The following MRPL42 variants were observed in gnomAD, a reference collection of about 807,000 sequenced individuals.
MRPL42 encodes mitochondrial ribosomal protein L42.
Under a neutral mutation model 17.9 loss-of-function variants are expected in MRPL42, and 17 were observed. The observed-to-expected ratio is 0.95, with a 90% CI of 0.65 to 1.42. The LOEUF is 1.42. MRPL42 is among the 40% of genes most tolerant of loss of function. The pLI is 0.00. For missense variants in MRPL42, 177 were observed against 175.2 expected (o/e 1.01, Z -0.06); for synonymous variants, 59 against 54.4 (o/e 1.08, Z -0.37).
intron 2 of MRPL42, among the ~76,000 whole-genome samples, chr12:93,472,119 A>G (rs528600579): frequency 4.2e-4 from 64 of 152,294 alleles, no homozygotes; most frequent in African/African-American, 1.4e-3. Context: ...TAGGAGATCT[A>G]TCAGTGTTTG....
rs1483463556 is a variant in MRPL42 at position 93,508,561 on chromosome 12, AAGG to A, written c.*7343_*7345del. On this transcript the variant is annotated 3_prime_UTR_variant, in exon 6 of 6. Coordinates refer to ENST00000549982, the MANE Select transcript of MRPL42 (RefSeq NM_014050.4). ...TAAGAGGAGAGATGCTACCTATTAA[AAGG>A]AGAAGCAGCAAATACTATGGCCATT... 1 of 152,244 alleles carries A rather than the reference AAGG, an allele frequency of 6.6e-6. No homozygotes were observed. The highest frequency in any genetic ancestry group is 1.5e-5 in the Non-Finnish European group (1 of 68,072). The allele number at this position is 152,244 out of a possible 1,614,324, so 9.4% of individuals were successfully genotyped here. A position where few individuals can be genotyped will look rare whatever the true frequency, so the allele number is the denominator to read the frequency against.
intron 5 of MRPL42, 77 bp downstream of exon 5, chr12:93,487,737 TTC>T (rs1351308383): frequency 7.7e-7 from 1 of 1,294,046 alleles, no homozygotes; most frequent in Non-Finnish European, 1.1e-6. Flanking sequence ...AATAACAAAC[TTC>T]TGAAGTGGTG....
intron 2 of MRPL42, among the ~76,000 whole-genome samples, chr12:93,472,610 A>G (rs2087720541): frequency 2.0e-5 from 3 of 152,130 alleles, no homozygotes; most frequent in South Asian, 2.1e-4. Flanking sequence ...AGAAAGTTTC[A>G]TTACTGTTAT....
chr12:93,508,798 A>T lies in MRPL42; in HGVS notation c.*7577A>T, dbSNP rs1013330839. ...ATAAGCCATCTCTACCTGAATTAGC[A>T]ATCATGGATAAGCTCAATAACTGAT... On this transcript the variant is annotated 3_prime_UTR_variant, in exon 6 of 6. Transcript: ENST00000549982. 2 of 152,220 alleles carry T rather than the reference A, an allele frequency of 1.3e-5. No individual in the cohort carries two copies. Among genetic ancestry groups the T allele is most frequent in the Non-Finnish European group, 2.9e-5 (2 of 68,046 alleles). The allele number at this position is 152,220 out of a possible 1,614,324, so 9.4% of individuals were successfully genotyped here.
chr12:93,470,555 A>T, intron 2 of MRPL42: 1 of 1,287,466 alleles, frequency 7.8e-7, no homozygotes, highest in South Asian at 1.3e-5. Context: ...CTTCAACTGA[A>T]CCCGTCACCC....
Position 93,501,333 on chromosome 12 carries a change from TTC to T in MRPL42, c.*113_*114del. On this transcript the variant is annotated 3_prime_UTR_variant, in exon 6 of 6. Transcript: ENST00000549982. The stretch of plus-strand genomic sequence containing the variant: ...TAAAGTAATAATGATAAAATATCTT[TTC>T]ATATATTAGAATGTGTACTTTTATA... 1.6e-6 allele frequency: 1 copy of T among 617,396 alleles called. No homozygotes were observed. Among genetic ancestry groups the T allele is most frequent in the Non-Finnish European group, 2.6e-6 (1 of 390,986 alleles). The allele number at this position is 617,396 out of a possible 1,614,324, so 38.2% of individuals were successfully genotyped here.
intron 4 of MRPL42, among the ~76,000 whole-genome samples, chr12:93,481,920 A>T (rs1286548131): frequency 2.0e-5 from 3 of 152,146 alleles, no homozygotes; most frequent in African/African-American, 7.2e-5. Flanking sequence ...GCACAGACTG[A>T]TATCATGGTT....
intron 1 of MRPL42, 26 bp downstream of exon 1, chr12:93,467,580 G>A (rs1879686198): frequency 6.5e-6 from 1 of 152,684 alleles, no homozygotes; most frequent in Admixed American, 6.5e-5. Context: ...TACTCCTCCT[G>A]TCGAGGACTT....
In MRPL42 at chr12:93,513,183, A is replaced by ATTTTTTTTT. The variant is rs58784396; in HGVS notation, c.*11978_*11986dup. The ATTTTTTTTT allele has an allele frequency of 1.6e-4, 14 of 89,144 alleles. No individual in the cohort carries two copies. The highest frequency in any genetic ancestry group is 3.7e-4 in the South Asian group (1 of 2,698). 5.5% of individuals were successfully genotyped at this position (89,144 alleles called of 1,614,324 possible). On this transcript the variant is annotated 3_prime_UTR_variant, in exon 6 of 6. Coordinates refer to ENST00000549982, the MANE Select transcript of MRPL42 (RefSeq NM_014050.4). ...AACCAGCTCATTTGTGACATTTAGA[A>ATTTTTTTTT]TTTTTTTTTTTTTTTTTTTTTTTTG...
In MRPL42 at chr12:93,509,772, G is replaced by GA. The variant is rs35971605; in HGVS notation, c.*8565dup. On this transcript the variant is annotated 3_prime_UTR_variant, in exon 6 of 6. Transcript: ENST00000549982. ...CAACATAGTGAGATCCTCATCTCCT[G>GA]AAAAAAAAAAAAAACTTTAGTTTTT... is the stretch of plus-strand genomic sequence containing the variant. 0.03 allele frequency: 4,103 copies of GA among 138,662 alleles called. 42 individuals are homozygous for GA. The highest frequency in any genetic ancestry group is 0.035 in the Non-Finnish European group (2,178 of 63,086). The allele number at this position is 138,662 out of a possible 1,614,324, so 8.6% of individuals were successfully genotyped here. A position where few individuals can be genotyped will look rare whatever the true frequency, so the allele number is the denominator to read the frequency against.
At chr12:93,495,503 G>A (rs1953484245) in intron 5 of MRPL42, among the ~76,000 whole-genome samples, 1 of 151,996 alleles carries the variant, frequency 6.6e-6, no homozygotes, top group South Asian at 2.1e-4. Flanking sequence ...CCAAAGTGCT[G>A]GGATTACAAG....
rs1242041578 is a variant in MRPL42 at position 93,509,220 on chromosome 12, T to C, written c.*7999T>C. The C allele has an allele frequency of 6.6e-6, 1 of 152,002 alleles. No homozygotes were observed. Among genetic ancestry groups the C allele is most frequent in the Admixed American group, 6.6e-5 (1 of 15,238 alleles). The allele number at this position is 152,002 out of a possible 1,614,324, so 9.4% of individuals were successfully genotyped here. The stretch of plus-strand genomic sequence containing the variant: ...AAAAAAAAACTGCCAAAACGCTTTT[T>C]GCAAAGTGGTTGTACCATTTTATAT... On this transcript the variant is annotated 3_prime_UTR_variant, in exon 6 of 6. Transcript: ENST00000549982.
chr12:93,492,026 G>A (rs896867913), intron 5 of MRPL42, among the ~76,000 whole-genome samples: 11 of 152,174 alleles, frequency 7.2e-5, no homozygotes, highest in Admixed American at 6.5e-5. Flanking sequence ...CCATTGACAG[G>A]CACCTGGATT....
At chr12:93,496,677 A>G (rs1289280483) in intron 5 of MRPL42, among the ~76,000 whole-genome samples, 1 of 146,782 alleles carries the variant, frequency 6.8e-6, no homozygotes, top group Non-Finnish European at 1.5e-5. Flanking sequence ...GCAAGCTCCA[A>G]CTATATGCTG....
chr12:93,470,656 A>G (rs999858395), intron 2 of MRPL42: 6 of 828,208 alleles, frequency 7.2e-6, no homozygotes, highest in Admixed American at 7.3e-5. Context: ...TATTGTTCCC[A>G]TCTTTGTGTC....
At chr12:93,495,373 A>G (rs1161306233) in intron 5 of MRPL42, among the ~76,000 whole-genome samples, 1 of 152,000 alleles carries the variant, frequency 6.6e-6, no homozygotes, top group Admixed American at 6.6e-5. Context: ...ACAGAAGCAT[A>G]CTACCATACC....
At chr12:93,477,098 C>A (rs1880219828) in intron 3 of MRPL42, 81 bp downstream of exon 3, 1 of 1,001,550 alleles carries the variant, frequency 1.0e-6, no homozygotes, top group South Asian at 1.6e-5. Context: ...GTTTTGATGT[C>A]TGATGCTTTC....
chr12:93,510,965 A>C lies in MRPL42; in HGVS notation c.*9744A>C, dbSNP rs2121304404. The C allele has an allele frequency of 6.6e-6, 1 of 152,326 alleles. No homozygotes were observed. The highest frequency in any genetic ancestry group is 1.5e-5 in the Non-Finnish European group (1 of 68,028). The allele number at this position is 152,326 out of a possible 1,614,324, so 9.4% of individuals were successfully genotyped here. On this transcript the variant is annotated 3_prime_UTR_variant, in exon 6 of 6. Coordinates refer to ENST00000549982, the MANE Select transcript of MRPL42 (RefSeq NM_014050.4). ...GTAATTTGTTTCATTTATCTTTAAC[A>C]CCATGTTATGGATGGCAAAATAACT...
intron 1 of MRPL42, among the ~76,000 whole-genome samples, 195 bp downstream of exon 1, chr12:93,467,749 C>T (rs1485135729): frequency 3.3e-5 from 5 of 152,222 alleles, no homozygotes; most frequent in African/African-American, 1.2e-4. Flanking sequence ...CCCTTTGTTC[C>T]CTGGCGGACG....
Sources: allele counts gnomAD v4.1 joint callset (sites outside exome capture counted in the v4.1 genomes callset), GRCh38; gene constraint gnomAD v4.1.1; transcripts MANE v1.5; gene names NCBI Gene and HGNC (gene_info 2026-07-23, HGNC 2026-07-21).